The following EXTL3 variants were observed in gnomAD, a reference collection of about 807,000 sequenced individuals.
The protein encoded by EXTL3 is exostosin-like 3.
A neutral mutation model predicts 69.3 loss-of-function variants in EXTL3; 27 were observed. The ratio of observed to expected loss-of-function variants is 0.39; its 90% CI spans 0.29 to 0.54. EXTL3 has a LOEUF of 0.54. EXTL3 is among the 20% of genes least tolerant of loss of function. The pLI is 0.69. For missense variants in EXTL3, 1,003 were observed against 1,231.8 expected (o/e 0.81, Z 2.78); for synonymous variants, 511 against 499.4 (o/e 1.02, Z -0.31).
chr8:28,715,796 G>T lies in EXTL3; in HGVS notation c.-264G>T, dbSNP rs775234339. Reference sequence around the variant, plus strand: ...TCCTCCCTTTCATCTCAGCAAGAATGTGGCACCTTTTATCGTTTGATAAAG... The same window carrying T: ...TCCTCCCTTTCATCTCAGCAAGAATTTGGCACCTTTTATCGTTTGATAAAG... On this transcript the variant is annotated 5_prime_UTR_variant, in exon 3 of 7. An upstream start codon of the reference 5' UTR is lost. Transcript: ENST00000220562. The T allele has an allele frequency of 4.2e-6, 2 of 481,912 alleles. No individual in the cohort carries two copies. The highest frequency in any genetic ancestry group is 1.9e-5 in the African/African-American group (1 of 51,902). The allele number at this position is 481,912 out of a possible 1,614,324, so 29.9% of individuals were successfully genotyped here. A position where few individuals can be genotyped will look rare whatever the true frequency, so the allele number is the denominator to read the frequency against.
chr8:28,727,270 G>A (rs1475336041), intron 3 of EXTL3, among the ~76,000 whole-genome samples: 1 of 152,158 alleles, frequency 6.6e-6, no homozygotes, highest in Non-Finnish European at 1.5e-5. Context: ...GAGCAGTTGT[G>A]CTCAGAGGGT....
intron 1 of EXTL3, among the ~76,000 whole-genome samples, chr8:28,692,035 A>T (rs766325160): frequency 6.6e-6 from 1 of 152,242 alleles, no homozygotes; most frequent in Admixed American, 6.5e-5. Context: ...CATAGTTAAC[A>T]CATTTCACAG....
At chr8:28,644,937 C>T (rs557696640) in intron 1 of EXTL3, among the ~76,000 whole-genome samples, 18 of 152,290 alleles carry the variant, frequency 1.2e-4, no homozygotes, top group Middle Eastern at 3.4e-3. Context: ...GTTCTGTATA[C>T]GCCTCTGGTG....
intron 1 of EXTL3, among the ~76,000 whole-genome samples, chr8:28,711,558 CAG>C (rs1238073136): frequency 6.6e-6 from 1 of 152,104 alleles, no homozygotes; most frequent in African/African-American, 2.4e-5. Context: ...GAAATGAGCT[CAG>C]GGAGATTATG....
intron 3 of EXTL3, among the ~76,000 whole-genome samples, chr8:28,724,349 A>G (rs978803490): frequency 7.2e-5 from 11 of 152,244 alleles, no homozygotes; most frequent in Non-Finnish European, 1.3e-4. Context: ...GTACTGTATG[A>G]CATCCCTGTG....
At chr8:28,709,724 A>G (rs1200238841) in intron 1 of EXTL3, among the ~76,000 whole-genome samples, 1 of 152,224 alleles carries the variant, frequency 6.6e-6, no homozygotes, top group African/African-American at 2.4e-5. Flanking sequence ...GATGGTTGTT[A>G]TATCAACAAA....
chr8:28,701,416 A>C (rs1800786793), upstream of EXTL3: 1 of 150,674 alleles, frequency 6.6e-6, no homozygotes, highest in Non-Finnish European at 1.5e-5. Context: ...GCGGTCGGGA[A>C]AGTGGCGAGC....
chr8:28,658,531 C>G (rs185467293), intron 1 of EXTL3, among the ~76,000 whole-genome samples: 11 of 152,222 alleles, frequency 7.2e-5, no homozygotes, highest in African/African-American at 2.6e-4. Flanking sequence ...TGCTGTTCCC[C>G]CCCTGCCCCC....
chr8:28,753,595 C>G lies in EXTL3; in HGVS notation c.*2729C>G, dbSNP rs975552408. ...GGGGGAAGCTTTGATATCCATGCCACGTCCATCCACCCCACCCCTTTTCGT... is the reference window on the plus strand; with the variant it reads ...GGGGGAAGCTTTGATATCCATGCCAGGTCCATCCACCCCACCCCTTTTCGT... On this transcript the variant is annotated 3_prime_UTR_variant, in exon 7 of 7. Coordinates refer to ENST00000220562, the MANE Select transcript of EXTL3 (RefSeq NM_001440.4). 6.5e-6 allele frequency: 1 copy of G among 152,716 alleles called. No homozygotes were observed. The highest frequency in any genetic ancestry group is 1.9e-4 in the East Asian group (1 of 5,200). 9.5% of individuals were successfully genotyped at this position (152,716 alleles called of 1,614,324 possible).
intron 1 of EXTL3, among the ~76,000 whole-genome samples, chr8:28,688,178 C>T (rs1226422413): frequency 6.6e-6 from 1 of 151,828 alleles, no homozygotes; most frequent in East Asian, 1.9e-4. Context: ...TCTCCTGTCT[C>T]AGCCTCCCAA....
intron 6 of EXTL3, among the ~76,000 whole-genome samples, chr8:28,747,809 A>G (rs1263917190): frequency 1.3e-5 from 2 of 149,736 alleles, no homozygotes; most frequent in African/African-American, 4.9e-5. Context: ...GGTCACTGCA[A>G]CCTCTGCCTC....
At chr8:28,684,023 C>A (rs888902386) in intron 1 of EXTL3, among the ~76,000 whole-genome samples, 1 of 152,168 alleles carries the variant, frequency 6.6e-6, no homozygotes, top group Admixed American at 6.5e-5. Flanking sequence ...TACGTGAGAC[C>A]GTGAAGTTTG....
chr8:28,631,863 G>A (rs1806575236), intron 1 of EXTL3, among the ~76,000 whole-genome samples: 1 of 152,062 alleles, frequency 6.6e-6, no homozygotes, highest in Non-Finnish European at 1.5e-5. Context: ...GCCGAGTTGG[G>A]TGGATCACAA....
At chr8:28,628,420 A>G (rs1806526682) in intron 1 of EXTL3, among the ~76,000 whole-genome samples, 1 of 152,122 alleles carries the variant, frequency 6.6e-6, no homozygotes, top group African/African-American at 2.4e-5. Flanking sequence ...CTGTAATCCC[A>G]GTGACTCAGG....
intron 1 of EXTL3, among the ~76,000 whole-genome samples, chr8:28,652,549 G>GAGGC (rs2130606070): frequency 6.6e-6 from 1 of 152,158 alleles, no homozygotes; most frequent in South Asian, 2.1e-4. Flanking sequence ...AGCTACTCAA[G>GAGGC]AGGCTGAGGT....
At position 28,683,503 on chromosome 8, in the gene EXTL3, T is replaced by C. The variant is rs529639171; in HGVS notation, c.-52-29954T>C. Among the ~76,000 whole-genome samples the C allele has an allele frequency of 3.9e-5, 6 of 152,340 alleles. No individual in the cohort carries two copies. In the South Asian group the frequency reaches 8.3e-4, roughly 21 times the overall value. On this transcript the variant is annotated intron_variant, in intron 1 of 6. Transcript: ENST00000523149. ...CAATCCAATTATACTCTTTTAGTTA[T>C]TTTAAAATGTACAATAAATTATTGC...
At position 28,715,940 on chromosome 8, in the gene EXTL3, G is replaced by A. The variant is rs1216544541; in HGVS notation, c.-120G>A. Reference sequence around the variant, plus strand: ...GTTCATTTTATTTGGTGCCTTGTCTGGGGAGCACACTAACTCTTCTGGAAA... The same window carrying A: ...GTTCATTTTATTTGGTGCCTTGTCTAGGGAGCACACTAACTCTTCTGGAAA... On this transcript the variant is annotated 5_prime_UTR_variant, in exon 3 of 7. Coordinates refer to ENST00000220562, the MANE Select transcript of EXTL3 (RefSeq NM_001440.4). The A allele has an allele frequency of 2.2e-5, 17 of 775,926 alleles. No homozygotes were observed. Among genetic ancestry groups the A allele is most frequent in the Non-Finnish European group, 3.6e-5 (17 of 475,860 alleles). The allele number at this position is 775,926 out of a possible 1,614,324, so 48.1% of individuals were successfully genotyped here.
At chr8:28,725,811 T>C (rs865906545) in intron 3 of EXTL3, among the ~76,000 whole-genome samples, 3 of 152,090 alleles carry the variant, frequency 2.0e-5, no homozygotes, top group Admixed American at 6.6e-5. Context: ...TGGTTTGATT[T>C]GAAACAAAAC....
rs747357975 is a variant in EXTL3 at position 28,750,614 on chromosome 8, T to G, written c.2551-43T>G. 3.3e-6 allele frequency: 5 copies of G among 1,500,456 alleles called. No individual in the cohort carries two copies. The South Asian group carries it at 3.4e-5, about 10-fold the overall frequency. 92.9% of individuals were successfully genotyped at this position (1,500,456 alleles called of 1,614,324 possible). ...GGCTCAGCTGCAAGGGTTCTGTCAG[T>G]ATTAGCTGGGATTCCCACTCTGTCT... On this transcript the variant is annotated intron_variant, in intron 6 of 6. Transcript: ENST00000220562. The surrounding 1 kb of genome is among the most constrained non-coding windows in gnomAD (Gnocchi z 5.2).
Sources: allele counts gnomAD v4.1 joint callset (sites outside exome capture counted in the v4.1 genomes callset), GRCh38; gene constraint gnomAD v4.1.1; non-coding constraint Gnocchi (gnomAD v3.1); transcripts MANE v1.5; gene names NCBI Gene and HGNC (gene_info 2026-07-23, HGNC 2026-07-21).